The following ATG2B variants were observed in gnomAD, a reference collection of about 807,000 sequenced individuals.
ATG2B encodes autophagy-related protein 2 homolog B.
In ATG2B, 121 loss-of-function variants were observed where a neutral mutation model predicts 241.3. The ratio of observed to expected loss-of-function variants is 0.50; its 90% CI spans 0.43 to 0.58. ATG2B has a LOEUF of 0.58. Among genes scored for constraint, ATG2B ranks in the 20% least tolerant of loss-of-function variants. The pLI is 0.00. For missense variants in ATG2B, 2,306 were observed against 2,491.6 expected, an observed-to-expected ratio of 0.93 and a Z score of 1.59; for synonymous variants, 858 against 876.6, an observed-to-expected ratio of 0.98 and a Z score of 0.37.
Position 96,313,167 on chromosome 14 carries a change from A to G in ATG2B, c.3750-10T>C, listed in dbSNP as rs1279700467. The G allele has an allele frequency of 6.3e-7, 1 of 1,593,376 alleles. No individual in the cohort carries two copies. Among genetic ancestry groups the G allele is most frequent in the Non-Finnish European group, 8.6e-7 (1 of 1,162,602 alleles). Reference sequence around the variant, plus strand: ...TGGCAAATAAAGGGGTCTAATGCCAAAGAGAAACAAAAGAACATCAGTTTG... The same window carrying G: ...TGGCAAATAAAGGGGTCTAATGCCAGAGAGAAACAAAAGAACATCAGTTTG... On this transcript the variant is annotated splice_polypyrimidine_tract_variant and intron_variant, in intron 24 of 41. Transcript: ENST00000359933.
chr14:96,312,075 T>C lies in ATG2B; in HGVS notation c.3913+14A>G. 1 of 1,597,306 alleles carries C rather than the reference T, an allele frequency of 6.3e-7. No homozygotes were observed. Among genetic ancestry groups the C allele is most frequent in the Non-Finnish European group, 8.6e-7 (1 of 1,168,076 alleles). On this transcript the variant is annotated intron_variant, in intron 26 of 41. Transcript: ENST00000359933. ...AGCAGAATTTATCTACTCCATTTGT[T>C]TTTTAACTCTTACCTCTACTCAGAT...
intron 36 of ATG2B, among the ~76,000 whole-genome samples, chr14:96,294,637 T>C (rs1329270020): frequency 6.6e-6 from 1 of 151,846 alleles, no homozygotes; most frequent in Non-Finnish European, 1.5e-5. Flanking sequence ...AGCAAAAGGA[T>C]GATATCCTGC....
rs140520682 is a variant in ATG2B, at chr14:96,307,131, G to T, written c.4304-215C>A. Among the ~76,000 whole-genome samples, 3 of 152,192 alleles carry T rather than the reference G, an allele frequency of 2.0e-5. No homozygotes were observed. In the East Asian group the frequency reaches 5.8e-4, roughly 29 times the overall value. On this transcript the variant is annotated intron_variant, in intron 29 of 41. Transcript: ENST00000359933. ...GAAATACATCAAAAACCACTAATAG[G>T]CCAGGCATGGTGGCTCATGCCTGTA...
chr14:96,316,666 C>G lies in ATG2B; in HGVS notation c.3228G>C (p.Leu1076=). 6.2e-7 allele frequency: 1 copy of G among 1,609,700 alleles called. No homozygotes were observed. The highest frequency in any genetic ancestry group is 1.1e-5 in the South Asian group (1 of 89,730). Residue 1076 remains leucine (L), a synonymous_variant, in exon 21 of 42, where the codon CTG becomes CTC. Coordinates refer to ENST00000359933, the MANE Select transcript of ATG2B (RefSeq NM_018036.7). ...FTDVKQDNGD[L]LENKHGEFWL... is the part of the protein sequence containing the mutation. ...AGAATTCACCATGCTTGTTTTCCAA[C>G]AGATCTCCATTATCTTGCTAGTAAA...
At chr14:96,357,405 A>G (rs1161361801) in intron 1 of ATG2B, among the ~76,000 whole-genome samples, 2 of 152,176 alleles carry the variant, frequency 1.3e-5, no homozygotes, top group Non-Finnish European at 2.9e-5. Flanking sequence ...GATAACTCCC[A>G]TATCTTTACA....
rs1888546447 is a variant in ATG2B at position 96,358,761 on chromosome 14, T to C, written c.162+4054A>G. 6.5e-5 allele frequency among the ~76,000 whole-genome samples: 6 copies of C among 92,874 alleles called. 1 individual carries two copies. The South Asian group carries it at 2.3e-3, about 36-fold the overall frequency. 60.9% of individuals were successfully genotyped at this position (92,874 alleles called of 152,430 possible). A position where few individuals can be genotyped will look rare whatever the true frequency, so the allele number is the denominator to read the frequency against. ...TTTCCTCACCAGTCCTATCAAGTAT[T>C]TTTTTTTTTTTAGTCACCACTATGC... On this transcript the variant is annotated intron_variant, in intron 1 of 41. Coordinates refer to ENST00000359933, the MANE Select transcript of ATG2B (RefSeq NM_018036.7).
chr14:96,320,573 G>C (rs1318149766), intron 18 of ATG2B, among the ~76,000 whole-genome samples: 5 of 152,162 alleles, frequency 3.3e-5, no homozygotes, highest in African/African-American at 9.6e-5. Context: ...TCCAATCAGT[G>C]GCTCATATTC....
At chr14:96,330,077 C>T (rs1186483386) in intron 11 of ATG2B, among the ~76,000 whole-genome samples, 1 of 148,610 alleles carries the variant, frequency 6.7e-6, no homozygotes, top group South Asian at 2.1e-4. Flanking sequence ...AGTCCAGGCA[C>T]AGTGGCTCAT....
rs780228791 is a variant in ATG2B at position 96,311,243 on chromosome 14, A to G, written c.4035T>C (p.His1345=). Residue 1345 remains histidine (H), a synonymous_variant, in exon 28 of 42, where the codon CAT becomes CAC. Transcript: ENST00000359933. The part of the protein sequence containing the change: ...FELHCSSDVV[H]IRTCSDSCAA... Reference sequence around the variant, plus strand: ...CACAAGAGTCTGAGCACGTTCTGATATGGACAACATCGCTGGAACAGTGTA... The same window carrying G: ...CACAAGAGTCTGAGCACGTTCTGATGTGGACAACATCGCTGGAACAGTGTA... The G allele has an allele frequency of 1.9e-6, 3 of 1,614,052 alleles. No individual in the cohort carries two copies. The highest frequency in any genetic ancestry group is 3.3e-4 in the Middle Eastern group (2 of 6,060).
chr14:96,306,692 A>C lies in ATG2B; in HGVS notation c.4506+22T>G, dbSNP rs753787258. 5 of 1,601,956 alleles carry C rather than the reference A, an allele frequency of 3.1e-6. No homozygotes were observed. The South Asian group carries it at 5.6e-5, about 18-fold the overall frequency. ...CATTTGTAACACCATTCAAGGCTTC[A>C]ATAATGTTATTAATTTATTACCTGC... On this transcript the variant is annotated intron_variant, in intron 30 of 41. Coordinates refer to ENST00000359933, the MANE Select transcript of ATG2B (RefSeq NM_018036.7).
intron 1 of ATG2B, 123 bp from the exon 2 acceptor site, chr14:96,347,464 T>TCCA: frequency 1.5e-6 from 1 of 662,976 alleles, no homozygotes; most frequent in East Asian, 2.8e-5. Context: ...AGCAGAGACT[T>TCCA]CCACAAGTAC....
At position 96,290,428 on chromosome 14, in the gene ATG2B, AAAG is replaced by A; in HGVS notation, c.5856+5_5856+7del. 6.2e-7 allele frequency: 1 copy of A among 1,613,970 alleles called. No homozygotes were observed. The highest frequency in any genetic ancestry group is 1.1e-5 in the South Asian group (1 of 91,054). On this transcript the variant is annotated splice_donor_5th_base_variant and intron_variant, in intron 40 of 41. Coordinates refer to ENST00000359933, the MANE Select transcript of ATG2B (RefSeq NM_018036.7). The surrounding 1 kb of genome is among the most constrained non-coding windows in gnomAD (Gnocchi z 4.4). The stretch of plus-strand genomic sequence containing the variant: ...TTTTGGATAGACTAAGGCAGTCTAA[AAAG>A]ATACCTGTATGGTTTGAACCATTCT...
At chr14:96,337,587 T>C (rs558384039) in intron 6 of ATG2B, among the ~76,000 whole-genome samples, 3 of 152,342 alleles carry the variant, frequency 2.0e-5, no homozygotes, top group East Asian at 1.9e-4. Flanking sequence ...CAGTTAGTTG[T>C]ATGCATTTGG....
chr14:96,313,104 G>C lies in ATG2B; in HGVS notation c.3803C>G (p.Ser1268Cys). The change falls in exon 25 of 42, where the codon TCC (serine) becomes TGC (cysteine). Residue 1268 changes from serine to cysteine, a missense_variant. Coordinates refer to ENST00000359933, the MANE Select transcript of ATG2B (RefSeq NM_018036.7). ...SLLTVETFSV[S>C]SSVALDKSSS... is the part of the protein sequence containing the mutation. ...AGATTTATCCAATGCAACGCTACTG[G>C]AAACACTGAATGTTTCCACGGTAAG... The C allele has an allele frequency of 6.2e-7, 1 of 1,613,578 alleles. No homozygotes were observed. The highest frequency in any genetic ancestry group is 8.5e-7 in the Non-Finnish European group (1 of 1,179,716).
At chr14:96,361,382 T>C (rs1450317936) in intron 1 of ATG2B, among the ~76,000 whole-genome samples, 1 of 152,250 alleles carries the variant, frequency 6.6e-6, no homozygotes, top group East Asian at 1.9e-4. Context: ...CTTAACTCCA[T>C]CTGTAAAATG....
intron 36 of ATG2B, 129 bp from the exon 37 acceptor site, chr14:96,292,227 A>G (rs1309623801): frequency 3.7e-6 from 2 of 541,304 alleles, no homozygotes; most frequent in African/African-American, 3.9e-5. Context: ...ATATCTTAAG[A>G]ACTAAATAAA....
intron 6 of ATG2B, 27 bp from the exon 7 acceptor site, chr14:96,334,528 TGAG>T (rs1566729563): frequency 3.0e-6 from 4 of 1,350,698 alleles, no homozygotes; most frequent in Non-Finnish European, 4.2e-6. Context: ...AAACTATTCA[TGAG>T]GAGTATTCTT....
At chr14:96,349,311 T>C (rs1378172112) in intron 1 of ATG2B, among the ~76,000 whole-genome samples, 1 of 152,248 alleles carries the variant, frequency 6.6e-6, no homozygotes, top group African/African-American at 2.4e-5. Flanking sequence ...GACAAGGCTA[T>C]GTAGATAAAG....
rs763996385 is a variant in ATG2B at position 96,290,951 on chromosome 14, AT to A, written c.5580-17del. The A allele has an allele frequency of 4.1e-5, 65 of 1,600,404 alleles. No individual in the cohort carries two copies. The Middle Eastern group carries it at 2.0e-3, about 49-fold the overall frequency. ...GCCTAGTAAACTAGAGCAAATGATT[AT>A]TAGTATGTCAAAAGGAGAAATACAT... On this transcript the variant is annotated splice_polypyrimidine_tract_variant and intron_variant, in intron 38 of 41. Transcript: ENST00000359933. This position sits in a 1 kb window ranked among gnomAD's most constrained non-coding sequence, Gnocchi z 4.4.
Sources: allele counts gnomAD v4.1 joint callset (sites outside exome capture counted in the v4.1 genomes callset), GRCh38; gene constraint gnomAD v4.1.1; non-coding constraint Gnocchi (gnomAD v3.1); transcripts MANE v1.5; gene names NCBI Gene and HGNC (gene_info 2026-07-23, HGNC 2026-07-21).